Variants in BMAL2 observed in about 807,000 individuals in gnomAD.
BMAL2 encodes basic helix-loop-helix ARNT like 2.
At chr12:27,355,253 G>A in the BMAL2 span, among the ~76,000 whole-genome samples, 1 of 152,084 alleles carries the variant, frequency 6.6e-6, no homozygotes, top group Non-Finnish European at 1.5e-5. Flanking sequence ...ATCCCCTGAT[G>A]TTACACTAGG....
the BMAL2 span, among the ~76,000 whole-genome samples, chr12:27,407,022 C>G: frequency 6.6e-6 from 1 of 152,184 alleles, no homozygotes; most frequent in African/African-American, 2.4e-5. Flanking sequence ...GTAAAGGGAT[C>G]AATTCAACAA....
At chr12:27,370,250 T>C in the BMAL2 span, 2 of 1,559,508 alleles carry the variant, frequency 1.3e-6, no homozygotes, top group Admixed American at 3.3e-5. Context: ...GGACTGTCTT[T>C]GACATACTCT....
the BMAL2 span, chr12:27,389,093 A>C: frequency 1.1e-6 from 1 of 930,440 alleles, no homozygotes; most frequent in Non-Finnish European, 1.7e-6. Context: ...TCAATCAAAA[A>C]TCAAAAAAGA....
At chr12:27,392,837 A>G in the BMAL2 span, among the ~76,000 whole-genome samples, 2 of 152,194 alleles carry the variant, frequency 1.3e-5, no homozygotes, top group African/African-American at 2.4e-5. Flanking sequence ...GATTTCCCAC[A>G]TGGACTGACT....
At chr12:27,392,052 A>ATC in the BMAL2 span, among the ~76,000 whole-genome samples, 1 of 152,210 alleles carries the variant, frequency 6.6e-6, no homozygotes, top group African/African-American at 2.4e-5. Flanking sequence ...CAGTTTCCAT[A>ATC]TCTTTAACAC....
chr12:27,418,076 C>T, the BMAL2 span: 4 of 1,565,772 alleles, frequency 2.6e-6, no homozygotes, highest in Middle Eastern at 5.0e-4. Flanking sequence ...GTTACTCTGG[C>T]TGTCTTTTCA....
chr12:27,376,622 A>G, the BMAL2 span, among the ~76,000 whole-genome samples: 121 of 152,134 alleles, frequency 8.0e-4, no homozygotes, highest in Non-Finnish European at 1.6e-3. Flanking sequence ...TTAAAAAAAA[A>G]CCTATTATTT....
the BMAL2 span, among the ~76,000 whole-genome samples, chr12:27,339,337 C>T: frequency 6.6e-6 from 1 of 152,214 alleles, no homozygotes; most frequent in African/African-American, 2.4e-5. Context: ...ATATTTACCA[C>T]ATTTTCTTTT....
chr12:27,416,061 C>A, the BMAL2 span: 1 of 702,564 alleles, frequency 1.4e-6, no homozygotes, highest in Non-Finnish European at 2.4e-6. Flanking sequence ...AAAATGAACC[C>A]ATTTTGATCA....
the BMAL2 span, among the ~76,000 whole-genome samples, chr12:27,407,908 G>A: frequency 3.3e-5 from 5 of 151,824 alleles, no homozygotes; most frequent in African/African-American, 1.2e-4. Flanking sequence ...ATGATAAAAG[G>A]GATATCACCA....
the BMAL2 span, among the ~76,000 whole-genome samples, chr12:27,386,556 CCTT>C: frequency 1.1e-4 from 16 of 152,320 alleles, no homozygotes; most frequent in South Asian, 3.1e-3. Context: ...TCTGCCCTGT[CCTT>C]CTACCTCAAC....
At chr12:27,336,977 T>A in the BMAL2 span, among the ~76,000 whole-genome samples, 1 of 151,302 alleles carries the variant, frequency 6.6e-6, no homozygotes, top group Admixed American at 6.6e-5. Context: ...AAAAGTATTT[T>A]AAACTTCCTT....
the BMAL2 span, among the ~76,000 whole-genome samples, chr12:27,407,205 A>G: frequency 3.3e-5 from 5 of 152,212 alleles, no homozygotes; most frequent in South Asian, 8.3e-4. Flanking sequence ...GTTAACAAGG[A>G]TATCCAGGAA....
chr12:27,380,975 C>T, the BMAL2 span, among the ~76,000 whole-genome samples: 473 of 126,072 alleles, frequency 3.8e-3, 11 homozygotes, highest in South Asian at 0.032. Flanking sequence ...GACAGCCTGT[C>T]TCAGAAAAAA....
the BMAL2 span, among the ~76,000 whole-genome samples, chr12:27,396,258 G>T: frequency 3.3e-5 from 5 of 152,168 alleles, no homozygotes; most frequent in African/African-American, 9.7e-5. Context: ...CTTCTAGGAA[G>T]CACTCAATAA....
At chr12:27,391,431 A>G in the BMAL2 span, among the ~76,000 whole-genome samples, 1 of 152,028 alleles carries the variant, frequency 6.6e-6, no homozygotes, top group Admixed American at 6.6e-5. Flanking sequence ...CTTTTCTTTA[A>G]TCCACCAGGG....
the BMAL2 span, among the ~76,000 whole-genome samples, chr12:27,420,019 G>GCGCGCGCGCACACACACACACA: frequency 1.0e-3 from 151 of 147,566 alleles, no homozygotes; most frequent in African/African-American, 3.2e-3. Flanking sequence ...GTTTGCGCGT[G>GCGCGCGCGCACACACACACACA]CACACACACA....
chr12:27,400,637 T>C, the BMAL2 span: 1 of 1,614,020 alleles, frequency 6.2e-7, no homozygotes, highest in African/African-American at 1.3e-5. Context: ...AAGACAACAG[T>C]AATTTTACCT....
chr12:27,370,367 C>T, the BMAL2 span: 2 of 623,194 alleles, frequency 3.2e-6, no homozygotes, highest in Admixed American at 2.8e-5. Context: ...CCAATCCTTC[C>T]TTTATCCTAC....
Sources: gnomAD v4.1 joint callset for allele counts (sites outside exome capture counted in the v4.1 genomes callset) on GRCh38, gnomAD v4.1.1 for gene constraint, MANE v1.5 for transcripts, NCBI Gene and HGNC (gene_info 2026-07-23, HGNC 2026-07-21) for gene names.